Variants in TRPC4 observed in about 807,000 individuals in gnomAD.
TRPC4 encodes the protein transient receptor potential cation channel subfamily C member 4.
In TRPC4, 49 loss-of-function variants were observed where a neutral mutation model predicts 99.4. The ratio of observed to expected loss-of-function variants is 0.49; its 90% CI spans 0.39 to 0.63. The LOEUF is 0.63. Ranked by LOEUF, TRPC4 falls within the 20% of genes least tolerant of loss-of-function variation. The pLI is 0.00. For missense variants in TRPC4, 898 were observed against 1,152.9 expected (o/e 0.78, Z 3.20); for synonymous variants, 454 against 425.9 (o/e 1.07, Z -0.81).
At chr13:37,762,903 G>A (rs149297099) in intron 2 of TRPC4, among the ~76,000 whole-genome samples, 1,561 of 151,464 alleles carry the variant, frequency 0.01, 26 homozygotes, top group African/African-American at 0.035. Flanking sequence ...ACACTAATCT[G>A]CCCTTTAGCA....
chr13:37,734,050 C>T (rs991215310), intron 3 of TRPC4, among the ~76,000 whole-genome samples: 14 of 152,124 alleles, frequency 9.2e-5, no homozygotes, highest in African/African-American at 3.4e-4. Flanking sequence ...GTAGAGGCCA[C>T]GGGTTTGGAA....
At chr13:37,640,889 T>C (rs909137033) in intron 8 of TRPC4, among the ~76,000 whole-genome samples, 7 of 152,166 alleles carry the variant, frequency 4.6e-5, no homozygotes, top group African/African-American at 1.4e-4. Flanking sequence ...TAATTTAATA[T>C]AGAAAGAATT....
At chr13:37,682,930 T>C (rs1953301442) in intron 4 of TRPC4, among the ~76,000 whole-genome samples, 1 of 150,734 alleles carries the variant, frequency 6.6e-6, no homozygotes, top group East Asian at 2.0e-4. Flanking sequence ...ATCTTTTTTT[T>C]TTTTTTTTTT....
chr13:37,777,310 C>A (rs1353093376), intron 2 of TRPC4, among the ~76,000 whole-genome samples: 1 of 151,856 alleles, frequency 6.6e-6, no homozygotes, highest in African/African-American at 2.4e-5. Context: ...AGAAAACTTA[C>A]AATCATGGCA....
At chr13:37,713,849 G>A (rs963325357) in intron 3 of TRPC4, among the ~76,000 whole-genome samples, 2 of 152,170 alleles carry the variant, frequency 1.3e-5, no homozygotes, top group Non-Finnish European at 2.9e-5. Flanking sequence ...CCAGGAAGAA[G>A]AGGTCATACA....
Position 37,635,474 on chromosome 13 carries a change from T to G in TRPC4, c.*1429A>C, listed in dbSNP as rs1487934618. ...GCATTGTTATTGCTGTTATTCCTTA[T>G]TTTTGATGTTTGGTAATGAGAAACT... On this transcript the variant is annotated 3_prime_UTR_variant, in exon 11 of 11. Transcript: ENST00000379705. Among the ~76,000 whole-genome samples, 2 of 152,154 alleles carry G rather than the reference T, an allele frequency of 1.3e-5. No individual in the cohort carries two copies. The highest frequency in any genetic ancestry group is 4.8e-5 in the African/African-American group (2 of 41,452).
rs1352959241 is a variant in TRPC4, at chr13:37,636,368, A to C, written c.*535T>G. Among the ~76,000 whole-genome samples, 1 of 152,166 alleles carries C rather than the reference A, an allele frequency of 6.6e-6. No homozygotes were observed. The highest frequency in any genetic ancestry group is 1.9e-4 in the East Asian group (1 of 5,192). On this transcript the variant is annotated 3_prime_UTR_variant, in exon 11 of 11. Transcript: ENST00000379705. ...GTTTAGATATGACTCCATGAGAAGAAGACTTGTTTGCTTTGTGTACAATAA... is the reference window on the plus strand; with the variant it reads ...GTTTAGATATGACTCCATGAGAAGACGACTTGTTTGCTTTGTGTACAATAA...
At chr13:37,715,941 C>T (rs191144445) in intron 3 of TRPC4, among the ~76,000 whole-genome samples, 9 of 152,240 alleles carry the variant, frequency 5.9e-5, no homozygotes, top group East Asian at 1.9e-4. Context: ...TCAGAGGAAC[C>T]GTGGGAATGT....
chr13:37,842,154 C>A lies in TRPC4; in HGVS notation c.-28+27441G>T, dbSNP rs1001216095. On this transcript the variant is annotated intron_variant, in intron 1 of 10. Transcript: ENST00000379705. ...GTGTGGTGGCATACACCTGTAATCCCAGATACTCGGGAGGCTGATGCAGGA... is the reference window on the plus strand; with the variant it reads ...GTGTGGTGGCATACACCTGTAATCCAAGATACTCGGGAGGCTGATGCAGGA... 1.3e-4 allele frequency among the ~76,000 whole-genome samples: 20 copies of A among 150,782 alleles called. 1 individual carries two copies. The highest frequency in any genetic ancestry group is 1.1e-3 in the Admixed American group (17 of 15,138).
chr13:37,639,962 GGATTGTAGAATA>G (rs1448843889), intron 8 of TRPC4, among the ~76,000 whole-genome samples: 1 of 151,786 alleles, frequency 6.6e-6, no homozygotes, highest in Non-Finnish European at 1.5e-5. Flanking sequence ...CAGTGATTTG[GGATTGTAGAATA>G]GAGAGATGGA....
intron 3 of TRPC4, among the ~76,000 whole-genome samples, chr13:37,736,710 A>C (rs1202018421): frequency 6.6e-6 from 1 of 151,930 alleles, no homozygotes; most frequent in Admixed American, 6.6e-5. Context: ...TTATACCAAT[A>C]GACTTAAGAA....
rs1359189573 is a variant in TRPC4, at chr13:37,825,652, T to C, written c.-27-42292A>G. Among the ~76,000 whole-genome samples the C allele has an allele frequency of 2.8e-5, 4 of 142,968 alleles. No homozygotes were observed. In the East Asian group the frequency reaches 8.7e-4, roughly 31 times the overall value. The allele number at this position is 142,968 out of a possible 152,430, so 93.8% of individuals were successfully genotyped here. A position where few individuals can be genotyped will look rare whatever the true frequency, so the allele number is the denominator to read the frequency against. The stretch of plus-strand genomic sequence containing the variant: ...GGTCTGAGAGATAGTTTGTTATAAT[T>C]TCTGTTCTTTTACATTTGCTGAGGA... On this transcript the variant is annotated intron_variant, in intron 1 of 10. Coordinates refer to ENST00000379705, the MANE Select transcript of TRPC4 (RefSeq NM_016179.4).
intron 5 of TRPC4, among the ~76,000 whole-genome samples, chr13:37,672,493 A>G (rs1047487996): frequency 6.6e-6 from 1 of 152,190 alleles, no homozygotes; most frequent in African/African-American, 2.4e-5. Context: ...CTGGTGATGG[A>G]GAAAATGAAC....
chr13:37,810,528 C>T (rs945261225), intron 1 of TRPC4, among the ~76,000 whole-genome samples: 6 of 152,114 alleles, frequency 3.9e-5, no homozygotes, highest in African/African-American at 1.4e-4. Flanking sequence ...TCAAAATTCT[C>T]ATGTGTGGCA....
At position 37,636,366 on chromosome 13, in the gene TRPC4, G is replaced by A. The variant is rs1951518722; in HGVS notation, c.*537C>T. 6.6e-6 allele frequency among the ~76,000 whole-genome samples: 1 copy of A among 152,076 alleles called. No homozygotes were observed. The highest frequency in any genetic ancestry group is 1.5e-5 in the Non-Finnish European group (1 of 67,988). On this transcript the variant is annotated 3_prime_UTR_variant, in exon 11 of 11. Transcript: ENST00000379705. The stretch of plus-strand genomic sequence containing the variant: ...GAGTTTAGATATGACTCCATGAGAA[G>A]AAGACTTGTTTGCTTTGTGTACAAT...
At chr13:37,843,915 T>C (rs965157059) in intron 1 of TRPC4, among the ~76,000 whole-genome samples, 1 of 152,144 alleles carries the variant, frequency 6.6e-6, no homozygotes, top group African/African-American at 2.4e-5. Context: ...TTGATCCCAA[T>C]GGTAAGATGA....
chr13:37,646,982 G>C (rs1305395890), intron 8 of TRPC4, among the ~76,000 whole-genome samples: 2 of 152,186 alleles, frequency 1.3e-5, no homozygotes, highest in Non-Finnish European at 2.9e-5. Flanking sequence ...GCAGTCAAGT[G>C]AAAGATTAAT....
chr13:37,865,250 C>T (rs1959661517), intron 1 of TRPC4, among the ~76,000 whole-genome samples: 1 of 151,506 alleles, frequency 6.6e-6, no homozygotes, highest in East Asian at 1.9e-4. Flanking sequence ...ATACACTTGT[C>T]TAGAAATTTT....
intron 1 of TRPC4, among the ~76,000 whole-genome samples, chr13:37,861,232 T>A (rs891299762): frequency 6.6e-6 from 1 of 151,560 alleles, no homozygotes; most frequent in African/African-American, 2.4e-5. Context: ...TTTTTCTCAA[T>A]TGGGTTGTAT....
Sources: allele counts gnomAD v4.1 joint callset (sites outside exome capture counted in the v4.1 genomes callset), GRCh38; gene constraint gnomAD v4.1.1; transcripts MANE v1.5; gene names NCBI Gene and HGNC (gene_info 2026-07-23, HGNC 2026-07-21).